ATOH8: variants seen among roughly 807,000 people sequenced by gnomAD.
ATOH8 encodes the protein atonal bHLH transcription factor 8.
ATOH8 carries 9 observed loss-of-function variants against 21.2 expected under a neutral mutation model. That is an observed-to-expected ratio of 0.42 (90% CI 0.26 to 0.74). The LOEUF (loss-of-function observed/expected upper bound fraction) is 0.74. ATOH8 is among the 30% of genes least tolerant of loss of function. The pLI is 0.24. For missense variants in ATOH8, 524 were observed against 470.9 expected, an observed-to-expected ratio of 1.11 and a Z score of -1.04; for synonymous variants, 253 against 224.0, an observed-to-expected ratio of 1.13 and a Z score of -1.16.
rs959558404 is a variant in ATOH8 at position 85,766,874 on chromosome 2, G to A, written c.960+2692G>A. On this transcript the variant is annotated intron_variant, in intron 2 of 2. Transcript: ENST00000306279. This position sits in a 1 kb window ranked among gnomAD's most constrained non-coding sequence, Gnocchi z 4.0. ...TGTTCCCCTCTTTATCCGCTCTCTTGGTGGGGATGTGTGGCCCCACACTGA... is the reference window on the plus strand; with the variant it reads ...TGTTCCCCTCTTTATCCGCTCTCTTAGTGGGGATGTGTGGCCCCACACTGA... Among the ~76,000 whole-genome samples the A allele has an allele frequency of 3.9e-5, 6 of 152,218 alleles. No homozygotes were observed. In the East Asian group the frequency reaches 9.7e-4, roughly 25 times the overall value.
At chr2:85,783,386 G>A (rs1399437206) in intron 2 of ATOH8, among the ~76,000 whole-genome samples, 1 of 152,126 alleles carries the variant, frequency 6.6e-6, no homozygotes, top group African/African-American at 2.4e-5. Flanking sequence ...CCTGGCCATG[G>A]TGAAACCCCG....
chr2:85,767,562 T>TCCCCTCCCC (rs1288177168), intron 2 of ATOH8, among the ~76,000 whole-genome samples: 13 of 20,508 alleles, frequency 6.3e-4, no homozygotes, highest in South Asian at 2.2e-3. Context: ...GTATTCCCTC[T>TCCCCTCCCC]TCCCCTCCCC....
In ATOH8 at chr2:85,754,890, TG is replaced by T; in HGVS notation, c.703del (p.Ala235ArgfsTer38). 1 of 1,610,760 alleles carries T rather than the reference TG, an allele frequency of 6.2e-7. No homozygotes were observed. Among genetic ancestry groups the T allele is most frequent in the Non-Finnish European group, 8.5e-7 (1 of 1,179,670 alleles). On this transcript the variant is annotated frameshift_variant, in exon 1 of 3. Coordinates refer to ENST00000306279, the MANE Select transcript of ATOH8 (RefSeq NM_032827.7). LOFTEE classifies it high-confidence loss of function. Reference sequence around the variant, plus strand: ...GCCCTGCAGCAGACCCGGAGGCTCCTGGCGAACGCCAGGGAGCGGACGCGGG... The same window carrying T: ...GCCCTGCAGCAGACCCGGAGGCTCCTGCGAACGCCAGGGAGCGGACGCGGG... ...IKALQQTRRL[L>X]ANARERTRVH...
intron 2 of ATOH8, among the ~76,000 whole-genome samples, chr2:85,779,721 AG>A (rs1025658918): frequency 7.2e-5 from 11 of 152,240 alleles, no homozygotes; most frequent in African/African-American, 2.7e-4. Flanking sequence ...AGGGCAAGTG[AG>A]GTCACCACTC....
chr2:85,754,790 A>G lies in ATOH8; in HGVS notation c.601A>G (p.Asn201Asp), dbSNP rs1362682509. Residue 201 changes from asparagine (N) to aspartate (D), a missense_variant, in exon 1 of 3, where the codon AAT (asparagine) becomes GAT (aspartate). By Grantham distance (23) the Asn-to-Asp change is conservative (BLOSUM62 1). Coordinates refer to ENST00000306279, the MANE Select transcript of ATOH8 (RefSeq NM_032827.7). ...SYSSISHVIY[N>D]NHQDSSASPR... Reference sequence around the variant, plus strand: ...CTCGTCAATTTCACACGTAATTTACAATAACCACCAGGATTCCTCCGCGTC... The same window carrying G: ...CTCGTCAATTTCACACGTAATTTACGATAACCACCAGGATTCCTCCGCGTC... 1.2e-6 allele frequency: 2 copies of G among 1,612,868 alleles called. No homozygotes were observed. The highest frequency in any genetic ancestry group is 1.3e-5 in the African/African-American group (1 of 74,940).
chr2:85,761,697 A>G (rs1199204651), intron 1 of ATOH8, among the ~76,000 whole-genome samples: 1 of 152,138 alleles, frequency 6.6e-6, no homozygotes, highest in Non-Finnish European at 1.5e-5. Flanking sequence ...CAGTCCCCAG[A>G]GTCTCCCTCA....
chr2:85,757,563 T>C (rs76910047), intron 1 of ATOH8, among the ~76,000 whole-genome samples: 10,499 of 152,266 alleles, frequency 0.069, 1,242 homozygotes, highest in African/African-American at 0.24. Context: ...AGCAGCTTCC[T>C]GGTACCATGA....
Position 85,787,034 on chromosome 2 carries a change from C to T in ATOH8, c.*144C>T, listed in dbSNP as rs781606714. ...AGCCTACAGCCTCTCAGGGTCGGAT[C>T]GGAGCACGCCTGCCTCCCTCTCCCC... On this transcript the variant is annotated 3_prime_UTR_variant, in exon 3 of 3. Coordinates refer to ENST00000306279, the MANE Select transcript of ATOH8 (RefSeq NM_032827.7). 9 of 1,046,360 alleles carry T rather than the reference C, an allele frequency of 8.6e-6. No homozygotes were observed. Among genetic ancestry groups the T allele is most frequent in the African/African-American group, 1.6e-5 (1 of 63,134 alleles). The allele number at this position is 1,046,360 out of a possible 1,614,324, so 64.8% of individuals were successfully genotyped here. A position where few individuals can be genotyped will look rare whatever the true frequency, so the allele number is the denominator to read the frequency against.
intron 2 of ATOH8, chr2:85,775,075 T>G: frequency 1.0e-6 from 1 of 963,276 alleles, no homozygotes; most frequent in Non-Finnish European, 1.2e-6. Flanking sequence ...TTATGTGATA[T>G]ATTAGATTTC....
intron 2 of ATOH8, chr2:85,780,327 C>A (rs183824793): frequency 6.6e-6 from 1 of 152,290 alleles, no homozygotes; most frequent in Admixed American, 6.5e-5. Context: ...GTTACCTGCT[C>A]TCATCCTCAA....
chr2:85,768,770 G>A (rs755547559), intron 2 of ATOH8, among the ~76,000 whole-genome samples: 1 of 152,158 alleles, frequency 6.6e-6, no homozygotes, highest in African/African-American at 2.4e-5. Context: ...TCCTCGGCAG[G>A]GGGTGGGGAA....
In ATOH8 at chr2:85,786,917, C is replaced by G. The variant is rs1271529195; in HGVS notation, c.*27C>G. 4.3e-6 allele frequency: 7 copies of G among 1,614,122 alleles called. No individual in the cohort carries two copies. In the South Asian group the frequency reaches 7.7e-5, roughly 18 times the overall value. On this transcript the variant is annotated 3_prime_UTR_variant, in exon 3 of 3. Transcript: ENST00000306279. Reference sequence around the variant, plus strand: ...TGGCTGCAGGCAAGACCAAGGCCACCACTGTGGGCCCTCCTTCCAGTCAGG... The same window carrying G: ...TGGCTGCAGGCAAGACCAAGGCCACGACTGTGGGCCCTCCTTCCAGTCAGG...
In ATOH8 at chr2:85,788,678, A is replaced by G. The variant is rs1680689114; in HGVS notation, c.*1788A>G. Among the ~76,000 whole-genome samples the G allele has an allele frequency of 6.6e-6, 1 of 152,244 alleles. No individual in the cohort carries two copies. Among genetic ancestry groups the G allele is most frequent in the African/African-American group, 2.4e-5 (1 of 41,466 alleles). On this transcript the variant is annotated 3_prime_UTR_variant, in exon 3 of 3. Coordinates refer to ENST00000306279, the MANE Select transcript of ATOH8 (RefSeq NM_032827.7). ...GGGATAGGAGGGGACCGGAGGCTGC[A>G]GCCATACAGGACACAGTTTGTCCCT...
In ATOH8 at chr2:85,790,829, C is replaced by T. The variant is rs906201462; in HGVS notation, c.*3939C>T. Among the ~76,000 whole-genome samples, 4 of 152,176 alleles carry T rather than the reference C, an allele frequency of 2.6e-5. No individual in the cohort carries two copies. The highest frequency in any genetic ancestry group is 6.5e-5 in the Admixed American group (1 of 15,274). On this transcript the variant is annotated 3_prime_UTR_variant, in exon 3 of 3. Transcript: ENST00000306279. Reference sequence around the variant, plus strand: ...CGCGCTGTGGTCAGCCGTGGGAAGCCGGCGAGGGGACTGGAGTTGGGGCTA... The same window carrying T: ...CGCGCTGTGGTCAGCCGTGGGAAGCTGGCGAGGGGACTGGAGTTGGGGCTA...
At chr2:85,775,846 G>T (rs1312012534) in intron 2 of ATOH8, among the ~76,000 whole-genome samples, 2 of 152,184 alleles carry the variant, frequency 1.3e-5, no homozygotes, top group African/African-American at 4.8e-5. Flanking sequence ...TTTGTGACAA[G>T]GTGGTTTTCT....
chr2:85,769,834 C>G (rs893791704), intron 2 of ATOH8, among the ~76,000 whole-genome samples: 7 of 152,086 alleles, frequency 4.6e-5, no homozygotes, highest in African/African-American at 1.7e-4. Context: ...ACCTATGGCC[C>G]CTAGGGTGCC....
chr2:85,765,838 G>T (rs1680001246), intron 2 of ATOH8, among the ~76,000 whole-genome samples: 1 of 152,180 alleles, frequency 6.6e-6, no homozygotes, highest in South Asian at 2.1e-4. Flanking sequence ...GGACAAGTTG[G>T]GTGGAGAGGC....
chr2:85,787,156 G>T lies in ATOH8; in HGVS notation c.*266G>T, dbSNP rs112075438. ...GCCCCCGACTCACTCAGACCCCAAG[G>T]CCCACTGTCCAGCTGCAGAAATTCG... On this transcript the variant is annotated 3_prime_UTR_variant, in exon 3 of 3. Transcript: ENST00000306279. The T allele has an allele frequency of 4.0e-4, 194 of 490,254 alleles. 1 individual carries two copies. The highest frequency in any genetic ancestry group is 3.7e-3 in the African/African-American group (187 of 51,138). 30.4% of individuals were successfully genotyped at this position (490,254 alleles called of 1,614,324 possible). A position where few individuals can be genotyped will look rare whatever the true frequency, so the allele number is the denominator to read the frequency against.
In ATOH8 at chr2:85,787,068, C is replaced by T. The variant is rs1204715731; in HGVS notation, c.*178C>T. ...CCTGCCTCCCTCTCCCCTCCGCCCT[C>T]ACCCAGCCAATCCGAGGCTGCTTCG... On this transcript the variant is annotated 3_prime_UTR_variant, in exon 3 of 3. Transcript: ENST00000306279. The T allele has an allele frequency of 2.6e-5, 19 of 742,016 alleles. No individual in the cohort carries two copies. The East Asian group carries it at 5.3e-4, about 21-fold the overall frequency. 46.0% of individuals were successfully genotyped at this position (742,016 alleles called of 1,614,324 possible).
Sources: gnomAD v4.1 joint callset for allele counts (sites outside exome capture counted in the v4.1 genomes callset) on GRCh38, gnomAD v4.1.1 for gene constraint, Gnocchi (gnomAD v3.1) non-coding constraint, MANE v1.5 for transcripts, NCBI Gene and HGNC (gene_info 2026-07-23, HGNC 2026-07-21) for gene names.